RNASEH2B: variants seen among roughly 807,000 people sequenced by gnomAD.
RNASEH2B encodes Aicardi-Goutieres syndrome 2 protein.
RNASEH2B carries 36 observed loss-of-function variants against 45.0 expected under a neutral mutation model. The observed-to-expected ratio is 0.80, with a 90% CI of 0.61 to 1.06. The LOEUF is 1.06. Among genes scored for constraint, RNASEH2B ranks in the 50% least tolerant of loss-of-function variants. The pLI, the probability that RNASEH2B is intolerant of heterozygous loss-of-function variation, is 0.00. For synonymous variants in RNASEH2B, 119 were observed against 125.7 expected, an observed-to-expected ratio of 0.95 and a Z score of 0.35; for missense variants, 361 against 360.3, an observed-to-expected ratio of 1.00 and a Z score of -0.02.
Position 50,945,446 on chromosome 13 carries a change from C to T in RNASEH2B, c.530C>T (p.Ala177Val), listed in dbSNP as rs1319167661. The T allele has an allele frequency of 6.2e-7, 1 of 1,613,044 alleles. No individual in the cohort carries two copies. The part of the protein sequence containing the change: ...LEKKVNQTVA[A>V]LKTNNVNVSS... ...TCATAGGTTAATCAAACTGTGGCAG[C>T]ATTAAAAACCAATAATGTGAATGTC... The change falls in exon 7 of 11, where the codon GCA (alanine) becomes GTA (valine). Residue 177 changes from alanine (A) to valine (V), a missense_variant. Ala to Val is a moderately conservative substitution (Grantham distance 64). Transcript: ENST00000336617.
chr13:50,945,558 G>T lies in RNASEH2B; in HGVS notation c.616+26G>T, dbSNP rs373698054. On this transcript the variant is annotated intron_variant, in intron 7 of 10. Transcript: ENST00000336617. The stretch of plus-strand genomic sequence containing the variant: ...GTAAGTAAAGCATTTTATCAGAAAA[G>T]ATTTTTGTCTGGAGTAAGTTGCTTA... 25 of 1,532,162 alleles carry T rather than the reference G, an allele frequency of 1.6e-5. No homozygotes were observed. The African/African-American group carries it at 2.6e-4, about 16-fold the overall frequency. The allele number at this position is 1,532,162 out of a possible 1,614,324, so 94.9% of individuals were successfully genotyped here.
chr13:50,950,371 T>A (rs989540487), intron 9 of RNASEH2B: 5 of 152,224 alleles, frequency 3.3e-5, no homozygotes, highest in African/African-American at 1.2e-4. Context: ...AAGGTGGTGG[T>A]GGCTCCAAAG....
chr13:50,917,226 A>G (rs947248476), intron 1 of RNASEH2B, among the ~76,000 whole-genome samples: 1 of 152,172 alleles, frequency 6.6e-6, no homozygotes, highest in Non-Finnish European at 1.5e-5. Flanking sequence ...CTTTTCTGGA[A>G]GAAGGAAAGG....
downstream of RNASEH2B, among the ~76,000 whole-genome samples, chr13:50,957,120 C>A (rs769407056): frequency 6.7e-6 from 1 of 149,396 alleles, no homozygotes; most frequent in Non-Finnish European, 1.5e-5. Flanking sequence ...ATTTTAGACT[C>A]AGGGGGTACA....
At chr13:50,930,156 G>A (rs1455952526) in intron 3 of RNASEH2B, 6 of 222,264 alleles carry the variant, frequency 2.7e-5, no homozygotes, top group Non-Finnish European at 4.5e-5. Context: ...ATGTTCTGGG[G>A]TGGGGGCAGT....
intron 6 of RNASEH2B, among the ~76,000 whole-genome samples, chr13:50,944,025 C>T (rs1438880683): frequency 5.7e-5 from 6 of 104,876 alleles, no homozygotes; most frequent in African/African-American, 1.1e-4. Flanking sequence ...TGGGACGGGA[C>T]GGACGGGACG....
rs9535527 is a variant in RNASEH2B at position 50,913,713 on chromosome 13, A to G, written c.64+3573A>G. On this transcript the variant is annotated intron_variant, in intron 1 of 10. Coordinates refer to ENST00000336617, the MANE Select transcript of RNASEH2B (RefSeq NM_024570.4). ...TAAAAAGTATTTTAGGAAAGATTGC[A>G]CTTATTATTTATTTCTCCACAGAAA... Among the ~76,000 whole-genome samples, 901 of 152,312 alleles carry G rather than the reference A, an allele frequency of 5.9e-3. 4 individuals carry two copies. The highest frequency in any genetic ancestry group is 0.011 in the Non-Finnish European group (715 of 68,018).
At position 50,945,487 on chromosome 13, in the gene RNASEH2B, T is replaced by A. The variant is rs555463211; in HGVS notation, c.571T>A (p.Ser191Thr). The change falls in exon 7 of 11, where the codon TCA (serine) becomes ACA (threonine). Residue 191 changes from serine to threonine, a missense_variant. Physicochemically the swap from Ser to Thr is moderately conservative, Grantham distance 58. Coordinates refer to ENST00000336617, the MANE Select transcript of RNASEH2B (RefSeq NM_024570.4). ...TGTGAATGTCAGTTCCCGGGTACAG[T>A]CAACTGCATTTTTCTCTGGTGACCA... is the stretch of plus-strand genomic sequence containing the variant. ...NNVNVSSRVQ[S>T]TAFFSGDQAS... The A allele has an allele frequency of 6.2e-6, 10 of 1,613,786 alleles. 1 individual carries two copies. Among genetic ancestry groups the A allele is most frequent in the South Asian group, 1.1e-5 (1 of 91,074 alleles).
chr13:50,969,522 CAAAAAAAAAA>C (rs3042194), intron 9 of RNASEH2B, among the ~76,000 whole-genome samples: 1 of 100,576 alleles, frequency 9.9e-6, no homozygotes, highest in East Asian at 2.7e-4. Context: ...ACTGCCTCTA[CAAAAAAAAAA>C]AAAAAAGAAA....
At chr13:50,910,900 TTTTGACTTTAGCTCAGCAAATGCAGTG>T (rs1452375399) in intron 1 of RNASEH2B, 3 of 152,236 alleles carry the variant, frequency 2.0e-5, no homozygotes, top group Non-Finnish European at 4.4e-5. Flanking sequence ...CTGTATTAAG[TTTTGACTTTAGCTCAGCAAATGCAGTG>T]TTTGTGGCAG....
At chr13:50,910,737 A>G (rs953659031) in intron 1 of RNASEH2B, 1 of 152,588 alleles carries the variant, frequency 6.6e-6, no homozygotes, top group Non-Finnish European at 1.5e-5. Context: ...CATCCAGGAC[A>G]TGCGAGGGCT....
intron 5 of RNASEH2B, chr13:50,937,013 C>T (rs192672035): frequency 6.6e-6 from 1 of 152,132 alleles, no homozygotes; most frequent in East Asian, 1.9e-4. Context: ...TTTCAAAAAC[C>T]CTAGGCCTCA....
In RNASEH2B at chr13:50,918,373, G is replaced by A. The variant is rs995666845; in HGVS notation, c.64+8233G>A. ...AGGATGGTCTCGATCTCCTGACGTC[G>A]TGATCCGCCCGCCTCGGCCTCCCAA... On this transcript the variant is annotated intron_variant, in intron 1 of 10. Transcript: ENST00000336617. Among the ~76,000 whole-genome samples the A allele has an allele frequency of 8.5e-5, 13 of 152,250 alleles. No homozygotes were observed. In the South Asian group the frequency reaches 1.7e-3, roughly 19 times the overall value.
At chr13:50,949,555 A>G in intron 9 of RNASEH2B, 50 bp downstream of exon 9, 1 of 1,500,366 alleles carries the variant, frequency 6.7e-7, no homozygotes, top group Non-Finnish European at 9.3e-7. Context: ...AAAATATTAC[A>G]CTCTTACCAC....
chr13:50,954,005 G>C lies in RNASEH2B; in HGVS notation c.822+20G>C. 3 of 1,470,162 alleles carry C rather than the reference G, an allele frequency of 2.0e-6. No individual in the cohort carries two copies. Among genetic ancestry groups the C allele is most frequent in the East Asian group, 2.3e-5 (1 of 44,202 alleles). The allele number at this position is 1,470,162 out of a possible 1,614,324, so 91.1% of individuals were successfully genotyped here. On this transcript the variant is annotated intron_variant, in intron 10 of 10. Coordinates refer to ENST00000336617, the MANE Select transcript of RNASEH2B (RefSeq NM_024570.4). ...GAAAAGGTATGTGGGTTCAGGTGTA[G>C]TGGTGTTTCGTTCATACTCAGTGCG...
chr13:50,968,944 G>A (rs774958185), intron 9 of RNASEH2B, among the ~76,000 whole-genome samples: 168 of 152,172 alleles, frequency 1.1e-3, no homozygotes, highest in Non-Finnish European at 1.4e-3. Context: ...TACTTTACAC[G>A]TGTTTGAAAT....
chr13:50,940,597 T>C (rs1302827078), intron 5 of RNASEH2B, among the ~76,000 whole-genome samples: 1 of 152,184 alleles, frequency 6.6e-6, no homozygotes, highest in Non-Finnish European at 1.5e-5. Context: ...GCACTGGCTC[T>C]GAGGTTTAGG....
At chr13:50,942,232 G>A (rs1378933634) in intron 5 of RNASEH2B, 1 of 152,236 alleles carries the variant, frequency 6.6e-6, no homozygotes, top group Non-Finnish European at 1.5e-5. Flanking sequence ...AAGGGTTGCA[G>A]AGGAAATCAT....
chr13:50,929,025 A>C (rs1351272315), intron 2 of RNASEH2B, among the ~76,000 whole-genome samples: 1 of 150,256 alleles, frequency 6.7e-6, no homozygotes, highest in African/African-American at 2.5e-5. Context: ...TATGGCTTCA[A>C]GCATGTCTGT....
Sources: gnomAD v4.1 joint callset for allele counts (sites outside exome capture counted in the v4.1 genomes callset) on GRCh38, gnomAD v4.1.1 for gene constraint, MANE v1.5 for transcripts, NCBI Gene and HGNC (gene_info 2026-07-23, HGNC 2026-07-21) for gene names.